The following ACSS2 variants were observed in gnomAD, a reference collection of about 807,000 sequenced individuals.
ACSS2 encodes the protein acyl-CoA synthetase short chain family member 2, also known as acetyl-coenzyme A synthetase, cytoplasmic.
ACSS2 carries 58 observed loss-of-function variants against 90.6 expected under a neutral mutation model. The ratio of observed to expected loss-of-function variants is 0.64; its 90% CI spans 0.52 to 0.80. The LOEUF (loss-of-function observed/expected upper bound fraction) is 0.80. ACSS2 is among the 30% of genes least tolerant of loss of function. The pLI is 0.00. For missense variants in ACSS2, 759 were observed against 912.0 expected (o/e 0.83, Z 2.16); for synonymous variants, 300 against 330.9 (o/e 0.91, Z 1.01).
Position 34,921,040 on chromosome 20 carries a change from G to A in ACSS2, c.1178G>A (p.Arg393His), listed in dbSNP as rs1555885983. The change falls in exon 10 of 18, where the codon CGC (arginine) becomes CAC (histidine). Residue 393 changes from arginine to histidine, a missense_variant. Transcript: ENST00000360596. ...ATTCCCACATATCCGGACGTGAACC[G>A]CCTGTGGAGCATTGTGGACAAATAC... is the stretch of plus-strand genomic sequence containing the variant. ...EGIPTYPDVN[R>H]LWSIVDKYKV... is the part of the protein sequence containing the mutation. 7.4e-6 allele frequency: 12 copies of A among 1,614,016 alleles called. No individual in the cohort carries two copies. The highest frequency in any genetic ancestry group is 2.2e-5 in the East Asian group (1 of 44,882).
intron 14 of ACSS2, among the ~76,000 whole-genome samples, chr20:34,924,480 G>A (rs1482197915): frequency 6.6e-6 from 1 of 152,172 alleles, no homozygotes; most frequent in Non-Finnish European, 1.5e-5. Context: ...ACAGGCATGG[G>A]AAAATCTAGA....
At chr20:34,879,616 C>T (rs977825850) in intron 1 of ACSS2, among the ~76,000 whole-genome samples, 2 of 152,012 alleles carry the variant, frequency 1.3e-5, no homozygotes, top group Admixed American at 1.3e-4. Flanking sequence ...GTCTGTAATC[C>T]TGCTACTCAG....
chr20:34,898,339 G>T (rs1401892372), intron 2 of ACSS2, among the ~76,000 whole-genome samples: 1 of 152,112 alleles, frequency 6.6e-6, no homozygotes, highest in Non-Finnish European at 1.5e-5. Context: ...CGATTGGTGC[G>T]TTTACAATCC....
upstream of ACSS2, chr20:34,876,473 A>G: frequency 1.5e-6 from 1 of 657,910 alleles, no homozygotes. Flanking sequence ...ATCCCTCCCC[A>G]ACCAGACACG....
At chr20:34,906,334 C>CA (rs34277751) in intron 2 of ACSS2, among the ~76,000 whole-genome samples, 9,310 of 75,636 alleles carry the variant, frequency 0.12, 1,261 homozygotes, top group African/African-American at 0.34. Context: ...GACTCCGTCT[C>CA]AAAAAAAAAA....
chr20:34,915,855 T>C (rs1046611631), intron 7 of ACSS2, among the ~76,000 whole-genome samples: 1 of 152,210 alleles, frequency 6.6e-6, no homozygotes, highest in African/African-American at 2.4e-5. Context: ...CAGATTAGTA[T>C]CGAGGAAAGA....
At chr20:34,896,271 C>T (rs1033118820) in intron 2 of ACSS2, among the ~76,000 whole-genome samples, 23 of 152,248 alleles carry the variant, frequency 1.5e-4, no homozygotes, top group Admixed American at 7.8e-4. Context: ...ATAGCCCAGA[C>T]TGCAGGGCAG....
intron 2 of ACSS2, among the ~76,000 whole-genome samples, chr20:34,899,185 C>T (rs1386499666): frequency 6.6e-6 from 1 of 152,202 alleles, no homozygotes; most frequent in Non-Finnish European, 1.5e-5. Flanking sequence ...CGGGCCTCTC[C>T]CTCCGCACCT....
intron 2 of ACSS2, among the ~76,000 whole-genome samples, chr20:34,888,783 T>C (rs1260324155): frequency 1.3e-5 from 2 of 152,142 alleles, no homozygotes; most frequent in South Asian, 2.1e-4. Flanking sequence ...GCCACGCAGA[T>C]AGTTGGGGTA....
chr20:34,881,867 A>G (rs921989932), intron 1 of ACSS2, among the ~76,000 whole-genome samples: 9 of 152,232 alleles, frequency 5.9e-5, no homozygotes, highest in African/African-American at 1.7e-4. Context: ...AACATTTGGC[A>G]CATAGTGAAT....
At chr20:34,886,795 T>A (rs1383462701) in intron 2 of ACSS2, among the ~76,000 whole-genome samples, 1 of 152,238 alleles carries the variant, frequency 6.6e-6, no homozygotes, top group Non-Finnish European at 1.5e-5. Context: ...TTCTTACTAA[T>A]GCTTTTAAAA....
In ACSS2 at chr20:34,919,381, G is replaced by A; in HGVS notation, c.835-54G>A. Reference sequence around the variant, plus strand: ...TTCCCTCCAGGGGCAAGGTACGGGTGTATCTTGTCCCCATCTTGAGCTGTT... The same window carrying A: ...TTCCCTCCAGGGGCAAGGTACGGGTATATCTTGTCCCCATCTTGAGCTGTT... On this transcript the variant is annotated intron_variant, in intron 7 of 17. Transcript: ENST00000360596. The A allele has an allele frequency of 5.0e-6, 8 of 1,606,400 alleles. No homozygotes were observed. The South Asian group carries it at 7.7e-5, about 16-fold the overall frequency.
rs762259177 is a variant in ACSS2, at chr20:34,915,276, C to T, written c.834+839C>T. The T allele has an allele frequency of 5.7e-5, 92 of 1,613,676 alleles. 1 individual carries two copies. Among genetic ancestry groups the T allele is most frequent in the Non-Finnish European group, 6.8e-5 (80 of 1,179,800 alleles). ...CCCCAGGTATCCATTTCTGCACTGC[C>T]GTGGGCACCGCTTCTCTGTTTGCTT... On this transcript the variant is annotated intron_variant, in intron 7 of 17. Transcript: ENST00000360596.
intron 13 of ACSS2, chr20:34,923,024 T>C (rs8119110): frequency 0.053 from 14,009 of 262,302 alleles, 1,937 homozygotes; most frequent in African/African-American, 0.28. Flanking sequence ...TTATCAATAA[T>C]AGAACACCGT....
chr20:34,881,502 G>A (rs907769711), intron 1 of ACSS2, among the ~76,000 whole-genome samples: 6 of 152,036 alleles, frequency 3.9e-5, no homozygotes, highest in African/African-American at 1.5e-4. Context: ...ATTGCTCTTG[G>A]GATATATACC....
At chr20:34,902,296 G>A (rs1048645547) in intron 2 of ACSS2, among the ~76,000 whole-genome samples, 1 of 151,996 alleles carries the variant, frequency 6.6e-6, no homozygotes, top group African/African-American at 2.4e-5. Context: ...AAGTAAACAA[G>A]TAATATTAAT....
chr20:34,915,995 C>T (rs1249683080), intron 7 of ACSS2, among the ~76,000 whole-genome samples: 1 of 152,256 alleles, frequency 6.6e-6, no homozygotes, highest in African/African-American at 2.4e-5. Context: ...AAACAGCTTC[C>T]CTTCCTAAAA....
chr20:34,885,824 C>T (rs1601290132), intron 2 of ACSS2, among the ~76,000 whole-genome samples: 1 of 152,110 alleles, frequency 6.6e-6, no homozygotes, highest in East Asian at 1.9e-4. Context: ...AATTCTGTAA[C>T]TCAAAAACAA....
chr20:34,885,163 G>A (rs1207552727), intron 2 of ACSS2, among the ~76,000 whole-genome samples: 1 of 151,476 alleles, frequency 6.6e-6, no homozygotes, highest in Non-Finnish European at 1.5e-5. Flanking sequence ...TCACACCACT[G>A]TACTCCAGCC....
Sources: allele counts gnomAD v4.1 joint callset (sites outside exome capture counted in the v4.1 genomes callset), GRCh38; gene constraint gnomAD v4.1.1; transcripts MANE v1.5; gene names NCBI Gene and HGNC (gene_info 2026-07-23, HGNC 2026-07-21).